Variants in MACROD2 observed in about 807,000 individuals in gnomAD.
The protein encoded by MACROD2 is mono-ADP ribosylhydrolase 2.
A neutral mutation model predicts 70.4 loss-of-function variants in MACROD2; 36 were observed. That is an observed-to-expected ratio of 0.51 (90% confidence interval 0.39 to 0.68). MACROD2 has a LOEUF of 0.68. MACROD2 is among the 30% of genes least tolerant of loss of function. The probability of loss-of-function intolerance (pLI) is 0.00; values close to 1 mark genes in which losing one functional copy is unlikely to be tolerated. For missense variants in MACROD2, 496 were observed against 538.4 expected (o/e 0.92, Z 0.78); for synonymous variants, 172 against 178.8 (o/e 0.96, Z 0.30).
intron 8 of MACROD2, among the ~76,000 whole-genome samples, chr20:15,673,530 A>C (rs1434051091): frequency 6.6e-6 from 1 of 152,226 alleles, no homozygotes; most frequent in Non-Finnish European, 1.5e-5. Context: ...CTCTATTAAA[A>C]AATTTTAAAA....
intron 4 of MACROD2, among the ~76,000 whole-genome samples, chr20:14,636,950 G>A (rs990146609): frequency 1.3e-5 from 2 of 152,062 alleles, no homozygotes; most frequent in African/African-American, 4.8e-5. Context: ...TATGAAGACT[G>A]GAATTCAAAT....
At chr20:15,469,174 A>G (rs1172188552) in intron 7 of MACROD2, among the ~76,000 whole-genome samples, 5 of 152,250 alleles carry the variant, frequency 3.3e-5, no homozygotes, top group African/African-American at 4.8e-5. Flanking sequence ...TCCTGATCCT[A>G]TAAGAGATTA....
At chr20:14,071,949 A>G (rs1287547846) in intron 2 of MACROD2, among the ~76,000 whole-genome samples, 1 of 152,198 alleles carries the variant, frequency 6.6e-6, no homozygotes. Flanking sequence ...AAATATAAAT[A>G]CTAAACAGAA....
intron 5 of MACROD2, among the ~76,000 whole-genome samples, chr20:15,055,074 C>T (rs1001996680): frequency 6.6e-6 from 1 of 152,008 alleles, no homozygotes; most frequent in Admixed American, 6.5e-5. Context: ...CTCAGCCTCC[C>T]AAGTAGCTGG....
intron 12 of MACROD2, among the ~76,000 whole-genome samples, chr20:15,959,551 C>A (rs2066028589): frequency 6.6e-6 from 1 of 152,110 alleles, no homozygotes; most frequent in African/African-American, 2.4e-5. Context: ...GTTTTTGAGA[C>A]AGACTCGCAC....
intron 5 of MACROD2, among the ~76,000 whole-genome samples, chr20:15,198,766 A>G (rs1172339892): frequency 6.6e-6 from 1 of 152,166 alleles, no homozygotes; most frequent in Non-Finnish European, 1.5e-5. Flanking sequence ...TTACATTTAC[A>G]AAGTTATTTC....
intron 5 of MACROD2, among the ~76,000 whole-genome samples, chr20:14,730,949 A>T (rs556609158): frequency 6.6e-6 from 1 of 151,784 alleles, no homozygotes; most frequent in East Asian, 1.9e-4. Flanking sequence ...AAATAATAGA[A>T]ATTAGCTGTG....
chr20:14,303,328 C>T (rs1349160091), intron 3 of MACROD2, among the ~76,000 whole-genome samples: 1 of 152,124 alleles, frequency 6.6e-6, no homozygotes, highest in Non-Finnish European at 1.5e-5. Context: ...GCCGTAGAGT[C>T]CTTGCAAGCA....
At chr20:14,809,581 G>T (rs2072683151) in intron 5 of MACROD2, among the ~76,000 whole-genome samples, 1 of 151,754 alleles carries the variant, frequency 6.6e-6, no homozygotes, top group African/African-American at 2.4e-5. Flanking sequence ...AAATAACCAA[G>T]ATCAGAGCAG....
At chr20:14,387,210 T>A (rs190839857) in intron 3 of MACROD2, among the ~76,000 whole-genome samples, 2 of 152,212 alleles carry the variant, frequency 1.3e-5, no homozygotes, top group African/African-American at 4.8e-5. Context: ...TGCCATACTT[T>A]TCTGTTTCTT....
At chr20:15,491,067 G>A (rs2047225682) in intron 7 of MACROD2, among the ~76,000 whole-genome samples, 1 of 152,162 alleles carries the variant, frequency 6.6e-6, no homozygotes, top group Non-Finnish European at 1.5e-5. Flanking sequence ...CTACTAAGTA[G>A]AGTGACTTAT....
intron 5 of MACROD2, among the ~76,000 whole-genome samples, chr20:15,019,398 G>A (rs998775939): frequency 1.3e-5 from 2 of 152,138 alleles, no homozygotes; most frequent in African/African-American, 4.8e-5. Context: ...CCAGAAGCTG[G>A]TGGGTGGCAG....
chr20:15,864,463 T>G (rs1256692113), intron 9 of MACROD2, among the ~76,000 whole-genome samples: 1 of 152,170 alleles, frequency 6.6e-6, no homozygotes, highest in African/African-American at 2.4e-5. Flanking sequence ...GACATCATAT[T>G]CATTTTCATG....
chr20:15,295,595 T>TCACACACACACACA (rs3223712), intron 6 of MACROD2, among the ~76,000 whole-genome samples: 12,054 of 147,902 alleles, frequency 0.081, 577 homozygotes, highest in Non-Finnish European at 0.12. Context: ...ATGTCTGTCA[T>TCACACACACACACA]CACACACACA....
At chr20:14,496,827 A>G (rs1263319000) in intron 4 of MACROD2, among the ~76,000 whole-genome samples, 2 of 151,782 alleles carry the variant, frequency 1.3e-5, no homozygotes, top group Non-Finnish European at 2.9e-5. Flanking sequence ...TTCAGGAGGC[A>G]TTTATATTAA....
chr20:15,192,297 C>T (rs1190931705), intron 5 of MACROD2, among the ~76,000 whole-genome samples: 4 of 152,162 alleles, frequency 2.6e-5, no homozygotes, highest in African/African-American at 9.7e-5. Context: ...GCCATAACAT[C>T]AAGATAGTAG....
At chr20:16,019,929 G>A (rs1264717454) in intron 15 of MACROD2, among the ~76,000 whole-genome samples, 2 of 152,154 alleles carry the variant, frequency 1.3e-5, no homozygotes, top group African/African-American at 4.8e-5. Flanking sequence ...GTTGGTTGCT[G>A]CTCAGTCCTG....
intron 5 of MACROD2, among the ~76,000 whole-genome samples, chr20:15,104,978 G>A (rs1247816863): frequency 3.3e-5 from 5 of 152,040 alleles, no homozygotes; most frequent in African/African-American, 1.2e-4. Flanking sequence ...ATCCATAAAT[G>A]TGCACCAATA....
intron 3 of MACROD2, among the ~76,000 whole-genome samples, chr20:14,395,324 G>A: frequency 6.6e-6 from 1 of 152,054 alleles, no homozygotes; most frequent in East Asian, 1.9e-4. Context: ...AGGTTTGGTA[G>A]TTCAAGTTTT....
Sources: allele counts gnomAD v4.1 joint callset (sites outside exome capture counted in the v4.1 genomes callset), GRCh38; gene constraint gnomAD v4.1.1; transcripts MANE v1.5; gene names NCBI Gene and HGNC (gene_info 2026-07-23, HGNC 2026-07-21).